Variants in ARIH1 observed in about 807,000 individuals in gnomAD.
ARIH1 encodes the protein ariadne RBR E3 ubiquitin protein ligase 1.
Under a neutral mutation model 85.0 loss-of-function variants are expected in ARIH1, and 8 were observed. The ratio of observed to expected loss-of-function variants is 0.09; its 90% CI spans 0.06 to 0.17. The LOEUF (loss-of-function observed/expected upper bound fraction) is 0.17. Ranked by LOEUF, ARIH1 falls within the 10% of genes least tolerant of loss-of-function variation. The pLI is 1.00. For missense variants in ARIH1, 311 were observed against 718.1 expected (o/e 0.43, Z 6.48); for synonymous variants, 238 against 253.6 (o/e 0.94, Z 0.59).
intron 1 of ARIH1, among the ~76,000 whole-genome samples, chr15:72,499,091 C>T (rs571214159): frequency 7.3e-5 from 11 of 149,672 alleles, no homozygotes; most frequent in Non-Finnish European, 1.3e-4. Flanking sequence ...AGCCATTCTC[C>T]CGCCTCATCC....
At chr15:72,509,128 C>A (rs555251030) in intron 1 of ARIH1, among the ~76,000 whole-genome samples, 19 of 152,032 alleles carry the variant, frequency 1.2e-4, no homozygotes, top group Admixed American at 1.0e-3. Flanking sequence ...GTAGCTGGGA[C>A]TACAGGCGTG....
Position 72,584,694 on chromosome 15 carries a change from T to G in ARIH1, c.*1402T>G, listed in dbSNP as rs2064308699. 6.6e-6 allele frequency: 1 copy of G among 152,144 alleles called. No homozygotes were observed. The highest frequency in any genetic ancestry group is 1.5e-5 in the Non-Finnish European group (1 of 68,032). 9.4% of individuals were successfully genotyped at this position (152,144 alleles called of 1,614,324 possible). On this transcript the variant is annotated 3_prime_UTR_variant, in exon 14 of 14. Coordinates refer to ENST00000379887, the MANE Select transcript of ARIH1 (RefSeq NM_005744.5). ...GAAATCACTGAGTTTGCTGCTTTTT[T>G]ATTGTCAGCAGATAGGAGAATTAAT...
intron 1 of ARIH1, among the ~76,000 whole-genome samples, chr15:72,486,121 T>A (rs1232217924): frequency 2.0e-5 from 3 of 152,182 alleles, no homozygotes; most frequent in Non-Finnish European, 4.4e-5. Context: ...TTTCCCTAAA[T>A]TGTCATTCAC....
chr15:72,576,245 C>G (rs2064270454), intron 11 of ARIH1, among the ~76,000 whole-genome samples: 1 of 152,054 alleles, frequency 6.6e-6, no homozygotes, highest in Non-Finnish European at 1.5e-5. Context: ...GTGGCTCATG[C>G]CTGTAATCCC....
chr15:72,528,327 A>G (rs1221549097), intron 2 of ARIH1, among the ~76,000 whole-genome samples: 1 of 152,204 alleles, frequency 6.6e-6, no homozygotes, highest in African/African-American at 2.4e-5. Flanking sequence ...CTCTGTTACA[A>G]ATAGCTTTTC....
intron 2 of ARIH1, among the ~76,000 whole-genome samples, chr15:72,534,331 G>C (rs183622490): frequency 5.3e-5 from 8 of 152,078 alleles, no homozygotes; most frequent in Admixed American, 2.0e-4. Flanking sequence ...ATACGTTTAG[G>C]GGGGCTTGTA....
chr15:72,509,836 C>T (rs541316823), intron 1 of ARIH1, among the ~76,000 whole-genome samples: 13 of 151,796 alleles, frequency 8.6e-5, no homozygotes, highest in South Asian at 2.1e-4. Flanking sequence ...GCAGTCCTCC[C>T]GCCTTGGCCC....
chr15:72,566,543 C>T lies in ARIH1; in HGVS notation c.912-20C>T. 6.2e-7 allele frequency: 1 copy of T among 1,606,776 alleles called. No individual in the cohort carries two copies. On this transcript the variant is annotated intron_variant, in intron 7 of 13. Coordinates refer to ENST00000379887, the MANE Select transcript of ARIH1 (RefSeq NM_005744.5). ...AGTAGGTAGGCCTTAATTCTATTAA[C>T]TCTTTGTGTCACTTAACAGCTTTAA...
rs2064385106 is a variant in ARIH1 at position 72,602,434 on chromosome 15, G to A, written c.*19142G>A. ...TGTTAAAGAGCCATTTGTATTTCTTGGTGAATTGTTCATAAACTTTGCTTA... is the reference window on the plus strand; with the variant it reads ...TGTTAAAGAGCCATTTGTATTTCTTAGTGAATTGTTCATAAACTTTGCTTA... On this transcript the variant is annotated 3_prime_UTR_variant, in exon 14 of 14. Transcript: ENST00000379887. The A allele has an allele frequency of 6.6e-6, 1 of 152,070 alleles. No individual in the cohort carries two copies. The highest frequency in any genetic ancestry group is 1.5e-5 in the Non-Finnish European group (1 of 67,990). The allele number at this position is 152,070 out of a possible 1,614,324, so 9.4% of individuals were successfully genotyped here.
chr15:72,583,048 CTG>C (rs1390508970), intron 13 of ARIH1, among the ~76,000 whole-genome samples, 158 bp from the exon 14 acceptor site: 37 of 152,260 alleles, frequency 2.4e-4, no homozygotes, highest in African/African-American at 8.9e-4. Context: ...TTTGATGTGT[CTG>C]TACATCTAGA....
chr15:72,547,910 C>A (rs1438366833), intron 3 of ARIH1, among the ~76,000 whole-genome samples: 6 of 152,180 alleles, frequency 3.9e-5, no homozygotes, highest in Non-Finnish European at 8.8e-5. Flanking sequence ...AACTTTCTCG[C>A]TGTTCTTAAT....
intron 1 of ARIH1, among the ~76,000 whole-genome samples, chr15:72,514,382 C>G (rs2063965033): frequency 6.6e-6 from 1 of 152,148 alleles, no homozygotes; most frequent in South Asian, 2.1e-4. Context: ...TGAGTGAGTT[C>G]TAAAATTTTC....
At chr15:72,486,419 A>G (rs1045434054) in intron 1 of ARIH1, among the ~76,000 whole-genome samples, 3 of 152,124 alleles carry the variant, frequency 2.0e-5, no homozygotes, top group African/African-American at 7.2e-5. Flanking sequence ...CTGTTACCAG[A>G]TTGAAAAAAC....
intron 5 of ARIH1, among the ~76,000 whole-genome samples, chr15:72,557,360 T>C (rs550887357): frequency 5.9e-5 from 9 of 152,130 alleles, no homozygotes; most frequent in African/African-American, 1.9e-4. Flanking sequence ...GAATGGCTAC[T>C]TCGTTGACAA....
intron 1 of ARIH1, among the ~76,000 whole-genome samples, chr15:72,498,571 G>A (rs4776600): frequency 0.97 from 147,392 of 152,296 alleles, 71,521 homozygotes; most frequent in East Asian, 1. Flanking sequence ...TTGGTCTGGC[G>A]TGGTGGCTCA....
At chr15:72,534,977 G>A (rs1292226885) in intron 2 of ARIH1, among the ~76,000 whole-genome samples, 1 of 21,794 alleles carries the variant, frequency 4.6e-5, no homozygotes, top group Admixed American at 1.6e-3. Flanking sequence ...TTTTGAGACG[G>A]AGTCTCGCTG....
At chr15:72,478,098 G>C (rs562736141) in intron 1 of ARIH1, among the ~76,000 whole-genome samples, 10 of 151,992 alleles carry the variant, frequency 6.6e-5, no homozygotes, top group Non-Finnish European at 1.0e-4. Flanking sequence ...GAGCCACCAT[G>C]CCTGGCCAGG....
At chr15:72,495,917 A>G (rs904191708) in intron 1 of ARIH1, among the ~76,000 whole-genome samples, 5 of 152,124 alleles carry the variant, frequency 3.3e-5, no homozygotes, top group African/African-American at 9.6e-5. Context: ...ATATCTTACA[A>G]TTTTTTTCCT....
At chr15:72,496,507 T>C (rs546833172) in intron 1 of ARIH1, among the ~76,000 whole-genome samples, 200 of 152,324 alleles carry the variant, frequency 1.3e-3, no homozygotes, top group Admixed American at 2.2e-3. Context: ...GAAGAAACTG[T>C]GTGGCCTGGT....
Sources: allele counts gnomAD v4.1 joint callset (sites outside exome capture counted in the v4.1 genomes callset), GRCh38; gene constraint gnomAD v4.1.1; transcripts MANE v1.5; gene names NCBI Gene and HGNC (gene_info 2026-07-23, HGNC 2026-07-21).